Variants in ATOSA observed in about 807,000 individuals in gnomAD.
ATOSA encodes atos homolog A, also known as atos homolog protein A.
chr15:52,644,224 A>G, the ATOSA span, among the ~76,000 whole-genome samples: 1 of 152,110 alleles, frequency 6.6e-6, no homozygotes. Flanking sequence ...CGCCTGGCCT[A>G]CATTTTCTAA....
chr15:52,636,415 T>C, the ATOSA span, among the ~76,000 whole-genome samples: 2 of 152,148 alleles, frequency 1.3e-5, no homozygotes, highest in African/African-American at 4.8e-5. Flanking sequence ...GGGACTGTAG[T>C]TGGAGACAGG....
the ATOSA span, among the ~76,000 whole-genome samples, chr15:52,620,691 G>A: frequency 6.6e-6 from 1 of 152,224 alleles, no homozygotes; most frequent in South Asian, 2.1e-4. Context: ...GCTTATGCCT[G>A]TAATCCCAGC....
At chr15:52,601,012 C>T in the ATOSA span, 3 of 867,234 alleles carry the variant, frequency 3.5e-6, no homozygotes, top group South Asian at 3.2e-5. Context: ...TTAGAATCAA[C>T]ATTATTTATT....
At chr15:52,677,409 T>G in the ATOSA span, among the ~76,000 whole-genome samples, 66 of 152,336 alleles carry the variant, frequency 4.3e-4, 1 homozygote, top group Admixed American at 9.1e-4. Flanking sequence ...GTGTATATAT[T>G]ATTCTTATAA....
chr15:52,600,807 CG>C, the ATOSA span, among the ~76,000 whole-genome samples: 1 of 149,044 alleles, frequency 6.7e-6, no homozygotes, highest in Non-Finnish European at 1.5e-5. Flanking sequence ...TTTTTTTTTC[CG>C]TCAAAGAGTA....
the ATOSA span, among the ~76,000 whole-genome samples, chr15:52,596,313 A>G: frequency 6.6e-6 from 1 of 152,346 alleles, no homozygotes; most frequent in South Asian, 2.1e-4. Context: ...GGAAATAGAC[A>G]AGATGATTCT....
chr15:52,606,696 T>C, the ATOSA span, among the ~76,000 whole-genome samples: 1 of 152,190 alleles, frequency 6.6e-6, no homozygotes, highest in Non-Finnish European at 1.5e-5. Context: ...TTAAGGCCAG[T>C]GTAGGTTTTT....
At chr15:52,587,039 G>A in the ATOSA span, 1 of 1,571,570 alleles carries the variant, frequency 6.4e-7, no homozygotes, top group East Asian at 2.3e-5. Context: ...CAAAGCTGCA[G>A]CCCCACTGTT....
the ATOSA span, among the ~76,000 whole-genome samples, chr15:52,691,821 C>T: frequency 6.0e-5 from 9 of 150,772 alleles, no homozygotes; most frequent in African/African-American, 2.2e-4. Context: ...GGAGACAGAG[C>T]AAGACCTGTG....
chr15:52,639,302 A>C, the ATOSA span, among the ~76,000 whole-genome samples: 4 of 152,228 alleles, frequency 2.6e-5, no homozygotes, highest in African/African-American at 9.6e-5. Context: ...GGTTAAGGCA[A>C]GCACAGTTCT....
chr15:52,593,328 A>G, the ATOSA span: 1 of 396,570 alleles, frequency 2.5e-6, no homozygotes, highest in South Asian at 3.3e-5. Context: ...CAGTGTCACT[A>G]ATCAATTTTT....
the ATOSA span, among the ~76,000 whole-genome samples, chr15:52,702,206 G>A: frequency 1.3e-5 from 2 of 152,132 alleles, no homozygotes; most frequent in African/African-American, 4.8e-5. Context: ...AAAGCACTTT[G>A]GAGATTTATC....
chr15:52,607,462 C>G, the ATOSA span, among the ~76,000 whole-genome samples: 1 of 152,018 alleles, frequency 6.6e-6, no homozygotes, highest in Admixed American at 6.6e-5. Flanking sequence ...TTGTACAGTC[C>G]ACAAATTTGT....
chr15:52,641,776 T>C, the ATOSA span, among the ~76,000 whole-genome samples: 1 of 152,234 alleles, frequency 6.6e-6, no homozygotes, highest in Non-Finnish European at 1.5e-5. Flanking sequence ...ACACATTTTC[T>C]GATTTTTTCC....
chr15:52,612,229 C>T, the ATOSA span, among the ~76,000 whole-genome samples: 1 of 152,126 alleles, frequency 6.6e-6, no homozygotes, highest in Admixed American at 6.5e-5. Context: ...AGGTGATCTG[C>T]CCACCTTGGC....
chr15:52,668,936 C>T, the ATOSA span, among the ~76,000 whole-genome samples: 1 of 149,704 alleles, frequency 6.7e-6, no homozygotes, highest in African/African-American at 2.5e-5. Context: ...GACGGAGACT[C>T]ACTCTGTCAC....
At chr15:52,667,446 T>G in the ATOSA span, among the ~76,000 whole-genome samples, 1 of 152,214 alleles carries the variant, frequency 6.6e-6, no homozygotes, top group African/African-American at 2.4e-5. Flanking sequence ...AAACTGTATA[T>G]TAGATATTAG....
At chr15:52,709,076 A>C in the ATOSA span, among the ~76,000 whole-genome samples, 2 of 152,190 alleles carry the variant, frequency 1.3e-5, no homozygotes, top group Non-Finnish European at 1.5e-5. Flanking sequence ...GTGTTAAAAA[A>C]CAGAAAAAAG....
chr15:52,601,669 T>C, the ATOSA span, among the ~76,000 whole-genome samples: 1 of 152,162 alleles, frequency 6.6e-6, no homozygotes, highest in African/African-American at 2.4e-5. Flanking sequence ...AAAAGTACTA[T>C]GCTCCTAGGT....
Sources: gnomAD v4.1 joint callset for allele counts (sites outside exome capture counted in the v4.1 genomes callset) on GRCh38, gnomAD v4.1.1 for gene constraint, MANE v1.5 for transcripts, NCBI Gene and HGNC (gene_info 2026-07-23, HGNC 2026-07-21) for gene names.